CDC42BPA: variants seen among roughly 807,000 people sequenced by gnomAD.
CDC42BPA encodes serine/threonine-protein kinase MRCK alpha.
CDC42BPA carries 80 observed loss-of-function variants against 223.5 expected under a neutral mutation model. That is an observed-to-expected ratio of 0.36 (90% CI 0.30 to 0.43). The LOEUF (loss-of-function observed/expected upper bound fraction) is 0.43. CDC42BPA is among the 20% of genes least tolerant of loss of function. The pLI, the probability that CDC42BPA is intolerant of heterozygous loss-of-function variation, is 1.00. For synonymous variants in CDC42BPA, 694 were observed against 718.6 expected (o/e 0.97, Z 0.55); for missense variants, 1,743 against 2,099.9 (o/e 0.83, Z 3.32).
intron 2 of CDC42BPA, among the ~76,000 whole-genome samples, chr1:227,216,491 A>G (rs1320135219): frequency 6.6e-6 from 1 of 152,236 alleles, no homozygotes; most frequent in African/African-American, 2.4e-5. Flanking sequence ...GTGGTGAAAT[A>G]AAAGTCAGTT....
intron 2 of CDC42BPA, among the ~76,000 whole-genome samples, chr1:227,247,451 T>C (rs2813978): frequency 0.31 from 46,683 of 151,926 alleles, 7,323 homozygotes; most frequent in East Asian, 0.37. Context: ...GCTGAGATCG[T>C]GCCACTGCAC....
rs1194985588 is a variant in CDC42BPA at position 227,145,097 on chromosome 1, TTG to T, written c.1143+390_1143+391del. Among the ~76,000 whole-genome samples, 3 of 152,250 alleles carry T rather than the reference TTG, an allele frequency of 2.0e-5. No individual in the cohort carries two copies. The East Asian group carries it at 5.8e-4, about 29-fold the overall frequency. On this transcript the variant is annotated intron_variant, in intron 8 of 36. Transcript: ENST00000366766. ...TTCTCAATTTATTTCTCTTCAATTG[TTG>T]TATCAGGCCCTGACATGGTTGATTT...
At chr1:227,112,239 C>T in intron 14 of CDC42BPA, 73 bp downstream of exon 14, 1 of 795,936 alleles carries the variant, frequency 1.3e-6, no homozygotes, top group Non-Finnish European at 2.0e-6. Flanking sequence ...ATACAGTATA[C>T]AAGCTAACAC....
Position 227,317,437 on chromosome 1 carries a change from A to G in CDC42BPA, c.-255T>C, listed in dbSNP as rs1559031936. 2 of 408,246 alleles carry G rather than the reference A, an allele frequency of 4.9e-6. No homozygotes were observed. Among genetic ancestry groups the G allele is most frequent in the East Asian group, 3.5e-5 (1 of 28,370 alleles). 25.3% of individuals were successfully genotyped at this position (408,246 alleles called of 1,614,324 possible). The stretch of plus-strand genomic sequence containing the variant: ...AATATATACTTAATGCATTTTTAAA[A>G]GAATACAATTAAGTCGTATATTTAA... On this transcript the variant is annotated 5_prime_UTR_variant, in exon 1 of 37. Coordinates refer to ENST00000366766, the MANE Select transcript of CDC42BPA (RefSeq NM_001394014.1).
chr1:227,218,668 A>G (rs1199423988), intron 2 of CDC42BPA, among the ~76,000 whole-genome samples: 1 of 152,200 alleles, frequency 6.6e-6, no homozygotes, highest in Non-Finnish European at 1.5e-5. Context: ...AGTACTGAAT[A>G]GTTATATAAG....
In CDC42BPA at chr1:227,199,581, A is replaced by G. The variant is rs974696864; in HGVS notation, c.426T>C (p.Tyr142=). The change falls in exon 4 of 37, where the codon TAT becomes TAC. Residue 142 remains tyrosine (Y), a synonymous_variant. Coordinates refer to ENST00000366766, the MANE Select transcript of CDC42BPA (RefSeq NM_001394014.1). ...CTAAGTTATTGTCATCCTGGAAAGC[A>G]TAGTGCAAGGTTGTAATCCATTTAT... is the stretch of plus-strand genomic sequence containing the variant. ...GDNKWITTLH[Y]AFQDDNNLYL... is the part of the protein sequence containing the mutation. 5 of 1,591,280 alleles carry G rather than the reference A, an allele frequency of 3.1e-6. No individual in the cohort carries two copies. The highest frequency in any genetic ancestry group is 4.3e-6 in the Non-Finnish European group (5 of 1,161,300).
intron 34 of CDC42BPA, among the ~76,000 whole-genome samples, chr1:227,007,465 C>T (rs1440888478): frequency 1.3e-5 from 2 of 152,180 alleles, no homozygotes; most frequent in African/African-American, 4.8e-5. Flanking sequence ...CCAAAAAAGT[C>T]ACCTGTGAAT....
At chr1:227,252,049 G>C (rs1340241623) in intron 2 of CDC42BPA, among the ~76,000 whole-genome samples, 1 of 151,854 alleles carries the variant, frequency 6.6e-6, no homozygotes, top group Non-Finnish European at 1.5e-5. Flanking sequence ...AAAATGCTTA[G>C]AGGAAAACAT....
intron 3 of CDC42BPA, among the ~76,000 whole-genome samples, chr1:227,199,998 T>C (rs778426423): frequency 2.0e-5 from 3 of 152,216 alleles, no homozygotes; most frequent in Non-Finnish European, 4.4e-5. Context: ...AAGATGTAAA[T>C]TGTATCCTTC....
intron 2 of CDC42BPA, chr1:227,234,294 A>T (rs1008676850): frequency 6.6e-6 from 1 of 152,224 alleles, no homozygotes; most frequent in Non-Finnish European, 1.5e-5. Flanking sequence ...TAACTAGTGG[A>T]AACTTTCCTG....
At chr1:227,171,028 T>C (rs932321048) in intron 5 of CDC42BPA, among the ~76,000 whole-genome samples, 2 of 152,278 alleles carry the variant, frequency 1.3e-5, no homozygotes, top group East Asian at 3.9e-4. Flanking sequence ...GCAAATAACG[T>C]GGCAGCCAGA....
At chr1:227,011,777 A>G (rs2148446481) in intron 34 of CDC42BPA, among the ~76,000 whole-genome samples, 2 of 152,338 alleles carry the variant, frequency 1.3e-5, no homozygotes, top group South Asian at 4.1e-4. Flanking sequence ...GAGATAAAAG[A>G]ACTACTTCCG....
chr1:227,191,433 C>G (rs1259219526), intron 5 of CDC42BPA, among the ~76,000 whole-genome samples: 3 of 151,850 alleles, frequency 2.0e-5, no homozygotes, highest in African/African-American at 7.3e-5. Context: ...AAATACGATT[C>G]ATTTAAAAGT....
intron 1 of CDC42BPA, among the ~76,000 whole-genome samples, chr1:227,308,240 T>G (rs1692897752): frequency 6.6e-6 from 1 of 152,164 alleles, no homozygotes; most frequent in African/African-American, 2.4e-5. Flanking sequence ...GCATGGTGGC[T>G]CATGCCTAAA....
chr1:227,202,798 T>C (rs1441187246), intron 3 of CDC42BPA, among the ~76,000 whole-genome samples: 2 of 148,824 alleles, frequency 1.3e-5, no homozygotes, highest in Admixed American at 6.7e-5. Context: ...GCTGGTGGCA[T>C]GCACCTCTGT....
At position 227,230,816 on chromosome 1, in the gene CDC42BPA, C is replaced by CTTTTTTTTTTTTTTT. The variant is rs34787332; in HGVS notation, c.271-17598_271-17597insAAAAAAAAAAAAAAA. ...ACTGATTTCTATTTCTTTTTTCTTT[C>CTTTTTTTTTTTTTTT]TTTCTTTTTTTTTTTTTTTTTTTGA... On this transcript the variant is annotated intron_variant, in intron 2 of 36. Transcript: ENST00000366766. Among the ~76,000 whole-genome samples the CTTTTTTTTTTTTTTT allele has an allele frequency of 2.0e-3, 106 of 54,032 alleles. 7 individuals are homozygous for CTTTTTTTTTTTTTTT. Among genetic ancestry groups the CTTTTTTTTTTTTTTT allele is most frequent in the Non-Finnish European group, 2.7e-3 (71 of 26,040 alleles). 35.4% of individuals were successfully genotyped at this position (54,032 alleles called of 152,430 possible).
chr1:227,157,217 A>G (rs549916712), intron 6 of CDC42BPA, among the ~76,000 whole-genome samples: 4 of 152,324 alleles, frequency 2.6e-5, no homozygotes, highest in Non-Finnish European at 2.9e-5. Flanking sequence ...ATTGCATATG[A>G]TATTTTTATG....
At chr1:227,219,590 T>G (rs1438928924) in intron 2 of CDC42BPA, among the ~76,000 whole-genome samples, 1 of 152,140 alleles carries the variant, frequency 6.6e-6, no homozygotes, top group Non-Finnish European at 1.5e-5. Flanking sequence ...ATGCGTTTAT[T>G]TTCATGTTTT....
At chr1:227,277,906 C>A (rs370681077) in intron 1 of CDC42BPA, among the ~76,000 whole-genome samples, 1 of 152,090 alleles carries the variant, frequency 6.6e-6, no homozygotes, top group Non-Finnish European at 1.5e-5. Context: ...CCCGCCACGA[C>A]GCCCGGCTAA....
Sources: gnomAD v4.1 joint callset for allele counts (sites outside exome capture counted in the v4.1 genomes callset) on GRCh38, gnomAD v4.1.1 for gene constraint, MANE v1.5 for transcripts, NCBI Gene and HGNC (gene_info 2026-07-23, HGNC 2026-07-21) for gene names.